The following GKAP1 variants were observed in gnomAD, a reference collection of about 807,000 sequenced individuals.
GKAP1 encodes G kinase-anchoring protein 1.
A neutral mutation model predicts 56.7 loss-of-function variants in GKAP1; 31 were observed. The observed-to-expected ratio is 0.55, with a 90% CI of 0.41 to 0.74. GKAP1 has a LOEUF of 0.74. GKAP1 is among the 30% of genes least tolerant of loss of function. The probability of loss-of-function intolerance (pLI) is 0.00; values close to 1 mark genes in which losing one functional copy is unlikely to be tolerated. For synonymous variants in GKAP1, 151 were observed against 138.6 expected, an observed-to-expected ratio of 1.09 and a Z score of -0.63; for missense variants, 364 against 402.3, an observed-to-expected ratio of 0.90 and a Z score of 0.82.
chr9:83,805,376 C>G (rs547659372), intron 3 of GKAP1, among the ~76,000 whole-genome samples: 15 of 152,054 alleles, frequency 9.9e-5, no homozygotes, highest in African/African-American at 3.6e-4. Context: ...AACCTTTGTT[C>G]ACTTGTTTAT....
At position 83,777,056 on chromosome 9, in the gene GKAP1, C is replaced by T. The variant is rs913149206; in HGVS notation, c.585+3326G>A. Among the ~76,000 whole-genome samples, 12 of 152,246 alleles carry T rather than the reference C, an allele frequency of 7.9e-5. No homozygotes were observed. In the South Asian group the frequency reaches 1.2e-3, roughly 16 times the overall value. On this transcript the variant is annotated intron_variant, in intron 7 of 12. Coordinates refer to ENST00000376371, the MANE Select transcript of GKAP1 (RefSeq NM_025211.4). ...ATATAATTTTTACATAAGTAGTACA[C>T]GGACATGATAGAAAATTCAGAAGCT...
intron 6 of GKAP1, among the ~76,000 whole-genome samples, chr9:83,781,215 T>C (rs947739257): frequency 2.0e-5 from 3 of 152,082 alleles, no homozygotes; most frequent in Admixed American, 6.6e-5. Flanking sequence ...ATAAAAAAAC[T>C]AGCCAGGCAT....
At chr9:83,808,076 G>C (rs137988234) in intron 2 of GKAP1, among the ~76,000 whole-genome samples, 1 of 152,278 alleles carries the variant, frequency 6.6e-6, no homozygotes, top group East Asian at 1.9e-4. Context: ...ATCATGTTAA[G>C]ACAAATTGCT....
At chr9:83,803,258 C>T (rs534084768) in intron 3 of GKAP1, among the ~76,000 whole-genome samples, 5 of 132,866 alleles carry the variant, frequency 3.8e-5, no homozygotes, top group South Asian at 2.4e-4. Flanking sequence ...CTCTCCCTCT[C>T]GGTCTCCCTC....
intron 3 of GKAP1, among the ~76,000 whole-genome samples, chr9:83,803,259 GGTCTCCCTCTCC>G (rs1297120077): frequency 4.2e-5 from 5 of 118,928 alleles, no homozygotes; most frequent in Admixed American, 8.6e-5. Context: ...TCTCCCTCTC[GGTCTCCCTCTCC>G]CTCTCTTTCC....
intron 2 of GKAP1, among the ~76,000 whole-genome samples, chr9:83,816,287 G>A (rs1944593096): frequency 6.6e-6 from 1 of 152,074 alleles, no homozygotes; most frequent in African/African-American, 2.4e-5. Context: ...AAACCCAATG[G>A]GTATGCCCCA....
intron 10 of GKAP1, among the ~76,000 whole-genome samples, chr9:83,744,879 G>C (rs921291567): frequency 7.2e-5 from 11 of 152,304 alleles, no homozygotes; most frequent in Middle Eastern, 3.4e-3. Context: ...TAAGTGCTGA[G>C]CAAAGGGGGA....
In GKAP1 at chr9:83,778,708, A is replaced by G. The variant is rs1587716131; in HGVS notation, c.585+1674T>C. 2.6e-5 allele frequency among the ~76,000 whole-genome samples: 4 copies of G among 152,244 alleles called. No homozygotes were observed. In the South Asian group the frequency reaches 8.3e-4, roughly 32 times the overall value. Reference sequence around the variant, plus strand: ...CCTGAACTTTAAAAGTTAAAAAACAAAAACAAAAATAAAGATAATGTGAAT... The same window carrying G: ...CCTGAACTTTAAAAGTTAAAAAACAGAAACAAAAATAAAGATAATGTGAAT... On this transcript the variant is annotated intron_variant, in intron 7 of 12. Coordinates refer to ENST00000376371, the MANE Select transcript of GKAP1 (RefSeq NM_025211.4).
chr9:83,802,594 T>C (rs1274590932), intron 3 of GKAP1, among the ~76,000 whole-genome samples: 3 of 151,904 alleles, frequency 2.0e-5, no homozygotes, highest in Non-Finnish European at 4.4e-5. Flanking sequence ...TTTGGGAAGC[T>C]GAGGCAGGTG....
chr9:83,780,240 A>C, intron 7 of GKAP1, 142 bp downstream of exon 7: 1 of 530,182 alleles, frequency 1.9e-6, no homozygotes, highest in South Asian at 2.8e-5. Context: ...ATAATGGCAG[A>C]AACATGACTG....
At chr9:83,815,575 C>A (rs113939586) in intron 2 of GKAP1, among the ~76,000 whole-genome samples, 3,248 of 149,012 alleles carry the variant, frequency 0.022, 123 homozygotes, top group African/African-American at 0.075. Context: ...CTTCAGAAAA[C>A]ACACACACAC....
intron 10 of GKAP1, among the ~76,000 whole-genome samples, chr9:83,747,258 T>G (rs1350863207): frequency 2.0e-5 from 3 of 152,220 alleles, no homozygotes; most frequent in Non-Finnish European, 4.4e-5. Context: ...TGCAACTGAT[T>G]TGGCAGGCTT....
chr9:83,800,331 G>A lies in GKAP1; in HGVS notation c.217-1003C>T, dbSNP rs974504296. On this transcript the variant is annotated intron_variant, in intron 3 of 12. Transcript: ENST00000376371. ...GTTTAGCCTAAAGCTGCCTCCTTAC[G>A]TTTTTTTTTTGTTTTTTTTTTTTTT... is the stretch of plus-strand genomic sequence containing the variant. 1.5e-4 allele frequency among the ~76,000 whole-genome samples: 14 copies of A among 95,590 alleles called. No homozygotes were observed. The South Asian group carries it at 4.9e-3, about 33-fold the overall frequency. The allele number at this position is 95,590 out of a possible 152,430, so 62.7% of individuals were successfully genotyped here.
intron 5 of GKAP1, among the ~76,000 whole-genome samples, chr9:83,785,756 T>C (rs1047444768): frequency 1.3e-5 from 2 of 152,166 alleles, no homozygotes; most frequent in Admixed American, 1.3e-4. Flanking sequence ...CCTCAATCCA[T>C]CTTCTACGCT....
rs7870189 is a variant in GKAP1 at position 83,779,472 on chromosome 9, T to C, written c.585+910A>G. Reference sequence around the variant, plus strand: ...ATACACACACACACACACGCACATATACATATACATACATATATACACATA... The same window carrying C: ...ATACACACACACACACACGCACATACACATATACATACATATATACACATA... On this transcript the variant is annotated intron_variant, in intron 7 of 12. Transcript: ENST00000376371. Among the ~76,000 whole-genome samples, 387 of 117,102 alleles carry C rather than the reference T, an allele frequency of 3.3e-3. 1 individual carries two copies. The highest frequency in any genetic ancestry group is 4.5e-3 in the Middle Eastern group (1 of 224). The allele number at this position is 117,102 out of a possible 152,430, so 76.8% of individuals were successfully genotyped here.
At chr9:83,783,333 T>C (rs780323628) in intron 6 of GKAP1, among the ~76,000 whole-genome samples, 27 of 152,204 alleles carry the variant, frequency 1.8e-4, no homozygotes, top group Non-Finnish European at 4.0e-4. Context: ...GTGATGATAG[T>C]AATGTTGTAT....
chr9:83,750,071 G>C (rs1269752532), intron 9 of GKAP1, among the ~76,000 whole-genome samples: 1 of 152,138 alleles, frequency 6.6e-6, no homozygotes, highest in Non-Finnish European at 1.5e-5. Context: ...TCTGGCTCAA[G>C]CCTTTGTTCA....
intron 2 of GKAP1, among the ~76,000 whole-genome samples, chr9:83,814,840 C>G: frequency 6.6e-6 from 1 of 152,244 alleles, no homozygotes; most frequent in East Asian, 1.9e-4. Context: ...CTAATTGCCA[C>G]AACCAATTTT....
chr9:83,808,940 G>A (rs1202527635), intron 2 of GKAP1, among the ~76,000 whole-genome samples: 1 of 152,208 alleles, frequency 6.6e-6, no homozygotes, highest in Non-Finnish European at 1.5e-5. Context: ...ATTTCTATCA[G>A]CCAGATCTAA....
Sources: gnomAD v4.1 joint callset for allele counts (sites outside exome capture counted in the v4.1 genomes callset) on GRCh38, gnomAD v4.1.1 for gene constraint, MANE v1.5 for transcripts, NCBI Gene and HGNC (gene_info 2026-07-23, HGNC 2026-07-21) for gene names.